The following PARD3B variants were observed in gnomAD, a reference collection of about 807,000 sequenced individuals.
PARD3B encodes par-3 family cell polarity regulator beta.
Under a neutral mutation model 130.2 loss-of-function variants are expected in PARD3B, and 103 were observed. That is an observed-to-expected ratio of 0.79 (90% CI 0.67 to 0.93). The LOEUF is 0.93. Ranked by LOEUF, PARD3B falls within the 40% of genes least tolerant of loss-of-function variation. The pLI is 0.00. For synonymous variants in PARD3B, 583 were observed against 553.2 expected (o/e 1.05, Z -0.76); for missense variants, 1,609 against 1,499.2 (o/e 1.07, Z -1.21).
intron 13 of PARD3B, among the ~76,000 whole-genome samples, chr2:205,177,207 G>T (rs1165997147): frequency 6.6e-6 from 1 of 151,834 alleles, no homozygotes; most frequent in African/African-American, 2.4e-5. Context: ...TTATCTCCCT[G>T]TATCTCTTTT....
In PARD3B at chr2:205,497,203, G is replaced by GAAA. The variant is rs35346665; in HGVS notation, c.3045-2679_3045-2677dup. On this transcript the variant is annotated intron_variant, in intron 20 of 22. Coordinates refer to ENST00000406610, the MANE Select transcript of PARD3B (RefSeq NM_001302769.2). ...TTATGAGAGTTTCAACATACATATT[G>GAAA]AAAAAAAAAAAAAAAAGAAAGAAAG... 3.6e-3 allele frequency among the ~76,000 whole-genome samples: 468 copies of GAAA among 129,108 alleles called. 1 individual carries two copies. Among genetic ancestry groups the GAAA allele is most frequent in the Non-Finnish European group, 6.2e-3 (373 of 60,502 alleles). The allele number at this position is 129,108 out of a possible 152,430, so 84.7% of individuals were successfully genotyped here.
chr2:205,019,781 T>C (rs1024079962), intron 3 of PARD3B, among the ~76,000 whole-genome samples: 2 of 152,166 alleles, frequency 1.3e-5, no homozygotes, highest in African/African-American at 4.8e-5. Flanking sequence ...GCGGAAACTT[T>C]GTTTCAAAGT....
At position 204,594,838 on chromosome 2, in the gene PARD3B, A is replaced by G. The variant is rs115113262; in HGVS notation, c.120+48719A>G. 8.7e-3 allele frequency among the ~76,000 whole-genome samples: 1,328 copies of G among 152,316 alleles called. 22 individuals carry two copies. Among genetic ancestry groups the G allele is most frequent in the African/African-American group, 0.03 (1,263 of 41,570 alleles). ...AAGTACTTGAAATTCTGCAGTGTAA[A>G]TAGCACAGAATTAAAGACATATGGA... On this transcript the variant is annotated intron_variant, in intron 1 of 22. Coordinates refer to ENST00000406610, the MANE Select transcript of PARD3B (RefSeq NM_001302769.2).
intron 18 of PARD3B, among the ~76,000 whole-genome samples, chr2:205,330,619 A>G (rs1477233957): frequency 6.6e-6 from 1 of 152,228 alleles, no homozygotes; most frequent in Non-Finnish European, 1.5e-5. Flanking sequence ...TTGGGGCTAC[A>G]TTACAGCCCT....
intron 18 of PARD3B, among the ~76,000 whole-genome samples, chr2:205,310,029 A>G (rs1172533944): frequency 1.3e-5 from 2 of 151,754 alleles, no homozygotes; most frequent in Non-Finnish European, 2.9e-5. Context: ...AAGCTAACAT[A>G]TACATTACCT....
At chr2:205,493,716 T>TTATG (rs769621111) in intron 20 of PARD3B, among the ~76,000 whole-genome samples, 5 of 30,008 alleles carry the variant, frequency 1.7e-4, no homozygotes, top group African/African-American at 4.2e-4. Context: ...TTCTTTTCAT[T>TTATG]TATGTATGTA....
rs763620544 is a variant in PARD3B at position 205,352,013 on chromosome 2, A to C, written c.2631-49000A>C. On this transcript the variant is annotated intron_variant, in intron 18 of 22. Coordinates refer to ENST00000406610, the MANE Select transcript of PARD3B (RefSeq NM_001302769.2). The surrounding 1 kb of genome is among the most constrained non-coding windows in gnomAD (Gnocchi z 5.2). ...TTTTGGAGTAGTAAGCTCTTTTATA[A>C]GGCTGAAATAGATGTGGAGTATTTT... Among the ~76,000 whole-genome samples, 1 of 152,182 alleles carries C rather than the reference A, an allele frequency of 6.6e-6. No homozygotes were observed. Among genetic ancestry groups the C allele is most frequent in the Non-Finnish European group, 1.5e-5 (1 of 68,034 alleles).
chr2:205,218,704 C>G (rs1377081962), intron 15 of PARD3B, among the ~76,000 whole-genome samples: 2 of 152,092 alleles, frequency 1.3e-5, no homozygotes, highest in African/African-American at 4.8e-5. Context: ...CAGCCCATTG[C>G]TTTTACCTTT....
At chr2:204,976,099 C>T (rs1325105144) in intron 3 of PARD3B, among the ~76,000 whole-genome samples, 3 of 152,084 alleles carry the variant, frequency 2.0e-5, no homozygotes, top group Admixed American at 1.3e-4. Flanking sequence ...ATCTCTAATT[C>T]GTCTCTTGTT....
intron 2 of PARD3B, among the ~76,000 whole-genome samples, chr2:204,780,445 T>A (rs956494536): frequency 1.3e-5 from 2 of 152,202 alleles, no homozygotes; most frequent in African/African-American, 4.8e-5. Context: ...ACAGATTTTT[T>A]AAATAATTTA....
chr2:205,445,451 G>A (rs1200662008), intron 20 of PARD3B, among the ~76,000 whole-genome samples: 4 of 152,120 alleles, frequency 2.6e-5, no homozygotes, highest in Non-Finnish European at 4.4e-5. Context: ...ACTTTCAATC[G>A]TGGCAGAAGG....
chr2:204,613,655 C>T (rs2034009178), intron 1 of PARD3B, among the ~76,000 whole-genome samples: 1 of 151,914 alleles, frequency 6.6e-6, no homozygotes, highest in Admixed American at 6.6e-5. Context: ...TAAGGTTTAT[C>T]TTAACTTTCT....
chr2:204,838,245 C>A (rs950452995), intron 2 of PARD3B, among the ~76,000 whole-genome samples: 1 of 149,738 alleles, frequency 6.7e-6, no homozygotes, highest in Admixed American at 6.7e-5. Flanking sequence ...TGCAGTGGCA[C>A]GATCTCGGCT....
intron 2 of PARD3B, among the ~76,000 whole-genome samples, chr2:204,742,237 A>T (rs1025496457): frequency 2.0e-5 from 3 of 152,224 alleles, no homozygotes; most frequent in African/African-American, 7.2e-5. Context: ...ACATTTTAAC[A>T]TTATACGTAT....
intron 19 of PARD3B, among the ~76,000 whole-genome samples, chr2:205,419,907 C>G (rs560294343): frequency 2.6e-5 from 4 of 152,186 alleles, no homozygotes; most frequent in African/African-American, 9.6e-5. Context: ...AATGATGTCC[C>G]TCCCTCTTCA....
At position 205,114,057 on chromosome 2, in the gene PARD3B, A is replaced by G. The variant is rs151170094; in HGVS notation, c.680+480A>G. ...GATGCTGTGTATGTATGATGGCTTTATAAAAGCAATGTGTCATCATGCTGT... is the reference window on the plus strand; with the variant it reads ...GATGCTGTGTATGTATGATGGCTTTGTAAAAGCAATGTGTCATCATGCTGT... On this transcript the variant is annotated intron_variant, in intron 6 of 22. Coordinates refer to ENST00000406610, the MANE Select transcript of PARD3B (RefSeq NM_001302769.2). Among the ~76,000 whole-genome samples the G allele has an allele frequency of 8.8e-4, 134 of 152,264 alleles. 1 individual carries two copies. The highest frequency in any genetic ancestry group is 3.1e-3 in the African/African-American group (128 of 41,578).
intron 2 of PARD3B, among the ~76,000 whole-genome samples, chr2:204,723,579 C>CA (rs1335122482): frequency 1.3e-5 from 2 of 152,076 alleles, no homozygotes; most frequent in Non-Finnish European, 2.9e-5. Context: ...GTTTACCTTA[C>CA]AGAACCTCAG....
intron 20 of PARD3B, among the ~76,000 whole-genome samples, chr2:205,453,577 A>C (rs1373549724): frequency 6.6e-6 from 1 of 152,158 alleles, no homozygotes. Flanking sequence ...AAACTTACCT[A>C]TGGTGACACA....
chr2:205,356,282 T>A (rs1365823111), intron 18 of PARD3B, among the ~76,000 whole-genome samples: 1 of 152,206 alleles, frequency 6.6e-6, no homozygotes, highest in Admixed American at 6.5e-5. Flanking sequence ...TATTCAGTAT[T>A]TGCATTTTAT....
Sources: gnomAD v4.1 joint callset for allele counts (sites outside exome capture counted in the v4.1 genomes callset) on GRCh38, gnomAD v4.1.1 for gene constraint, Gnocchi (gnomAD v3.1) non-coding constraint, MANE v1.5 for transcripts, NCBI Gene and HGNC (gene_info 2026-07-23, HGNC 2026-07-21) for gene names.